KMT2C: variants seen among roughly 807,000 people sequenced by gnomAD.
The protein encoded by KMT2C is histone-lysine N-methyltransferase 2C.
Under a neutral mutation model 507.9 loss-of-function variants are expected in KMT2C, and 88 were observed. That is an observed-to-expected ratio of 0.17 (90% CI 0.15 to 0.21). KMT2C has a LOEUF of 0.21. Among genes scored for constraint, KMT2C ranks in the 10% least tolerant of loss-of-function variants. The pLI, the probability that KMT2C is intolerant of heterozygous loss-of-function variation, is 1.00. For synonymous variants in KMT2C, 2,049 were observed against 2,080.8 expected, an observed-to-expected ratio of 0.98 and a Z score of 0.42; for missense variants, 4,954 against 5,957.8, an observed-to-expected ratio of 0.83 and a Z score of 5.55.
chr7:152,188,723 C>T (rs1006964007), intron 31 of KMT2C, among the ~76,000 whole-genome samples: 10 of 149,836 alleles, frequency 6.7e-5, no homozygotes. Context: ...AGCAATTCTG[C>T]CTCAGCCTCC....
intron 31 of KMT2C, among the ~76,000 whole-genome samples, chr7:152,190,158 T>C (rs1269554040): frequency 1.3e-5 from 2 of 152,204 alleles, no homozygotes; most frequent in African/African-American, 4.8e-5. Flanking sequence ...AAAAATGGTC[T>C]TCCTTGAAAC....
At chr7:152,339,086 T>G (rs1443717913) in intron 2 of KMT2C, among the ~76,000 whole-genome samples, 1 of 152,226 alleles carries the variant, frequency 6.6e-6, no homozygotes, top group African/African-American at 2.4e-5. Context: ...CCAACACTGA[T>G]AGCATAACAG....
Position 152,163,823 on chromosome 7 carries a change from G to A in KMT2C, c.9754C>T (p.Arg3252Cys), listed in dbSNP as rs2129104759. ...TCAGCATGTTCTTTCTGTTGTTTAC[G>A]AATCTGGAATAACAAAATGCATCAT... is the stretch of plus-strand genomic sequence containing the variant. ...SMVQKQLEQI[R>C]KQQKEHAELI... Residue 3252 changes from arginine to cysteine, a missense_variant, in exon 43 of 59, where the codon CGT becomes TGT. By Grantham distance (180) the Arg-to-Cys change is radical. Transcript: ENST00000262189. The A allele has an allele frequency of 2.5e-6, 4 of 1,613,482 alleles. No individual in the cohort carries two copies. The highest frequency in any genetic ancestry group is 3.4e-6 in the Non-Finnish European group (4 of 1,179,454).
intron 23 of KMT2C, among the ~76,000 whole-genome samples, chr7:152,219,718 A>C (rs2094706061): frequency 6.6e-6 from 1 of 152,194 alleles, no homozygotes; most frequent in Non-Finnish European, 1.5e-5. Context: ...CTCATATTGG[A>C]TTTTGGGTTA....
chr7:152,221,717 G>T (rs962363975), intron 22 of KMT2C, among the ~76,000 whole-genome samples: 3 of 152,158 alleles, frequency 2.0e-5, no homozygotes, highest in Non-Finnish European at 4.4e-5. Context: ...TCTGCTAACT[G>T]ATAATTAAGC....
intron 4 of KMT2C, among the ~76,000 whole-genome samples, chr7:152,313,274 T>C (rs1487161385): frequency 6.6e-6 from 1 of 152,082 alleles, no homozygotes; most frequent in Non-Finnish European, 1.5e-5. Flanking sequence ...CTATAACTAC[T>C]AAATGTTGTT....
At chr7:152,321,037 C>T (rs938711253) in intron 3 of KMT2C, among the ~76,000 whole-genome samples, 12 of 151,852 alleles carry the variant, frequency 7.9e-5, no homozygotes, top group African/African-American at 2.9e-4. Context: ...AGTTTGAGAC[C>T]AGCCTGACCA....
At position 152,180,898 on chromosome 7, in the gene KMT2C, T is replaced by C. The variant is rs1047924270; in HGVS notation, c.6962A>G (p.Asp2321Gly). ...DSFGTSQTAHDVADQPRPGSE... is the reference protein window; with the variant it reads ...DSFGTSQTAHGVADQPRPGSE... Reference sequence around the variant, plus strand: ...TCCAGGCCTTGGCTGATCAGCAACATCATGGGCAGTTTGACTTGTTCCAAA... The same window carrying C: ...TCCAGGCCTTGGCTGATCAGCAACACCATGGGCAGTTTGACTTGTTCCAAA... The change falls in exon 36 of 59, where the codon GAT becomes GGT. Residue 2321 changes from aspartate (D) to glycine (G), a missense_variant. By Grantham distance (94) the Asp-to-Gly change is moderately conservative (BLOSUM62 -1). Around this residue, in one of 29 missense-constraint regions of KMT2C, gnomAD observed 1,689 missense variants for 1,654.3 expected, o/e 1.02. Coordinates refer to ENST00000262189, the MANE Select transcript of KMT2C (RefSeq NM_170606.3). 2.5e-6 allele frequency: 4 copies of C among 1,613,976 alleles called. No individual in the cohort carries two copies. The highest frequency in any genetic ancestry group is 3.4e-6 in the Non-Finnish European group (4 of 1,180,028).
Position 152,163,013 on chromosome 7 carries a change from T to C in KMT2C, c.10564A>G (p.Ile3522Val), listed in dbSNP as rs571653303. The C allele has an allele frequency of 5.6e-6, 9 of 1,614,166 alleles. No homozygotes were observed. The highest frequency in any genetic ancestry group is 4.0e-5 in the African/African-American group (3 of 75,048). The change falls in exon 43 of 59, where the codon ATC becomes GTC. Residue 3522 changes from isoleucine (I) to valine (V), a missense_variant. By Grantham distance (29) the Ile-to-Val change is conservative (BLOSUM62 3). This residue lies in a region of KMT2C where 801 missense variants were observed against 751.2 expected (regional missense o/e 1.07). Coordinates refer to ENST00000262189, the MANE Select transcript of KMT2C (RefSeq NM_170606.3). ...GAAAAATTTGGGCTTCCAACAGGGA[T>C]TGATGGTGAATCAGGAACAAATGAA... ...PPSFVPDSPS[I>V]PVGSPNFSSV...
At chr7:152,198,682 G>C (rs568006668) in intron 27 of KMT2C, among the ~76,000 whole-genome samples, 1 of 152,014 alleles carries the variant, frequency 6.6e-6, no homozygotes, top group Non-Finnish European at 1.5e-5. Context: ...GTTCTCAACC[G>C]GGGGTGATTT....
At chr7:152,175,536 C>G (rs948752383) in intron 38 of KMT2C, among the ~76,000 whole-genome samples, 2 of 145,776 alleles carry the variant, frequency 1.4e-5, no homozygotes, top group African/African-American at 5.4e-5. Context: ...TCTCACTGTT[C>G]AACTCCCACT....
intron 1 of KMT2C, chr7:152,367,859 T>C: frequency 2.9e-6 from 3 of 1,031,768 alleles, no homozygotes; most frequent in Non-Finnish European, 4.6e-6. Context: ...CTTCAGGACA[T>C]GAACTTAAAC....
intron 57 of KMT2C, 22 bp downstream of exon 57, chr7:152,139,164 G>A (rs759468195): frequency 1.0e-4 from 165 of 1,611,926 alleles, no homozygotes; most frequent in East Asian, 2.0e-4. Flanking sequence ...AGCACTCCCC[G>A]TCAGGTTCCT....
At chr7:152,146,836 C>A in intron 52 of KMT2C, 101 bp from the exon 53 acceptor site, 1 of 1,028,128 alleles carries the variant, frequency 9.7e-7, no homozygotes, top group Non-Finnish European at 1.4e-6. Context: ...TACTAATTTC[C>A]AAATAAATCC....
rs1412037020 is a variant in KMT2C at position 152,181,563 on chromosome 7, A to G, written c.6297T>C (p.Leu2099=). 6.2e-7 allele frequency: 1 copy of G among 1,613,988 alleles called. No individual in the cohort carries two copies. The highest frequency in any genetic ancestry group is 8.5e-7 in the Non-Finnish European group (1 of 1,179,968). Residue 2099 remains leucine, a synonymous_variant, in exon 36 of 59, where the codon CTT becomes CTC. Coordinates refer to ENST00000262189, the MANE Select transcript of KMT2C (RefSeq NM_170606.3). ...QSNDPYSQPP[L]TPHPAVNESF... ...ATTCATTCACTGCTGGATGTGGGGT[A>G]AGGGGAGGCTGACTATATGGATCAT...
intron 27 of KMT2C, 87 bp from the exon 28 acceptor site, chr7:152,196,098 T>G (rs1563348700): frequency 2.3e-5 from 14 of 599,994 alleles, no homozygotes; most frequent in Admixed American, 3.6e-5. Flanking sequence ...CAGCAGATAC[T>G]GAGTGAGGCA....
At chr7:152,417,465 T>C (rs2097750984) in intron 1 of KMT2C, among the ~76,000 whole-genome samples, 1 of 152,120 alleles carries the variant, frequency 6.6e-6, no homozygotes, top group Non-Finnish European at 1.5e-5. Flanking sequence ...CTTTTAATAA[T>C]CCTGTGACAA....
chr7:152,213,114 G>T (rs949800960), intron 23 of KMT2C, among the ~76,000 whole-genome samples: 1 of 152,208 alleles, frequency 6.6e-6, no homozygotes, highest in Non-Finnish European at 1.5e-5. Context: ...TAGATTGGAA[G>T]AATATTGTTA....
Position 152,353,097 on chromosome 7 carries a change from G to A in KMT2C, c.250+5490C>T, listed in dbSNP as rs1022924862. ...GATTTTATTCATATAAAAAAAATGCGCAGAGACTGGTAACAGCCACCACCA... is the reference window on the plus strand; with the variant it reads ...GATTTTATTCATATAAAAAAAATGCACAGAGACTGGTAACAGCCACCACCA... On this transcript the variant is annotated intron_variant, in intron 2 of 58. Coordinates refer to ENST00000262189, the MANE Select transcript of KMT2C (RefSeq NM_170606.3). 5.3e-5 allele frequency among the ~76,000 whole-genome samples: 8 copies of A among 152,134 alleles called. 1 individual carries two copies. The highest frequency in any genetic ancestry group is 4.1e-4 in the South Asian group (2 of 4,826).
Sources: gnomAD v4.1 joint callset for allele counts (sites outside exome capture counted in the v4.1 genomes callset) on GRCh38, gnomAD v4.1.1 for gene constraint, gnomAD v4.1.1 regional missense constraint, MANE v1.5 for transcripts, NCBI Gene and HGNC (gene_info 2026-07-23, HGNC 2026-07-21) for gene names.